Variants in DLG2 observed in about 807,000 individuals in gnomAD.
DLG2 encodes disks large homolog 2.
In DLG2, 45 loss-of-function variants were observed where a neutral mutation model predicts 132.5. That is an observed-to-expected ratio of 0.34 (90% CI 0.27 to 0.44). The LOEUF (loss-of-function observed/expected upper bound fraction) is 0.44. Ranked by LOEUF, DLG2 falls within the 20% of genes least tolerant of loss-of-function variation. The pLI is 1.00. For synonymous variants in DLG2, 424 were observed against 419.6 expected (o/e 1.01, Z -0.13); for missense variants, 1,045 against 1,196.9 (o/e 0.87, Z 1.87).
intron 19 of DLG2, 173 bp downstream of exon 19, chr11:83,633,038 T>G (rs760259120): frequency 4.4e-5 from 26 of 584,740 alleles, no homozygotes; most frequent in Non-Finnish European, 7.5e-5. Flanking sequence ...ACTAATTTAA[T>G]CTAATAACAT....
At chr11:84,025,124 G>C (rs927337700) in intron 11 of DLG2, among the ~76,000 whole-genome samples, 1 of 152,152 alleles carries the variant, frequency 6.6e-6, no homozygotes, top group African/African-American at 2.4e-5. Context: ...GGACCTTTTA[G>C]TTGTAGGTTG....
At chr11:84,791,819 A>C (rs2073889326) in intron 6 of DLG2, among the ~76,000 whole-genome samples, 1 of 152,122 alleles carries the variant, frequency 6.6e-6, no homozygotes, top group African/African-American at 2.4e-5. Flanking sequence ...ATCAGTTCCG[A>C]TAGCTCTTTC....
intron 7 of DLG2, among the ~76,000 whole-genome samples, chr11:84,359,512 C>A (rs754035924): frequency 2.6e-5 from 4 of 151,818 alleles, no homozygotes; most frequent in Non-Finnish European, 5.9e-5. Context: ...AAATTATTGT[C>A]TAGGGTGTCT....
chr11:83,865,241 C>G (rs1419483546), intron 16 of DLG2, among the ~76,000 whole-genome samples: 1 of 152,050 alleles, frequency 6.6e-6, no homozygotes, highest in Non-Finnish European at 1.5e-5. Context: ...CAGGAGACAG[C>G]CATCTAGGTT....
intron 16 of DLG2, among the ~76,000 whole-genome samples, chr11:83,872,381 C>A (rs2063640977): frequency 6.6e-6 from 1 of 152,160 alleles, no homozygotes; most frequent in African/African-American, 2.4e-5. Flanking sequence ...AAACCAAATT[C>A]TTTGACTCTA....
chr11:84,429,094 A>G (rs1027044829), intron 7 of DLG2, among the ~76,000 whole-genome samples: 1 of 152,224 alleles, frequency 6.6e-6, no homozygotes, highest in Non-Finnish European at 1.5e-5. Flanking sequence ...AGCATTTTTC[A>G]TCTTGCTCTC....
At chr11:83,998,942 T>C (rs1182966572) in intron 11 of DLG2, among the ~76,000 whole-genome samples, 5 of 152,152 alleles carry the variant, frequency 3.3e-5, no homozygotes, top group Admixed American at 6.5e-5. Context: ...ACTACAGCTA[T>C]TGGGGACTGA....
At chr11:83,912,849 G>A (rs921683454) in intron 15 of DLG2, among the ~76,000 whole-genome samples, 2 of 152,090 alleles carry the variant, frequency 1.3e-5, no homozygotes, top group African/African-American at 4.8e-5. Context: ...GAACATCCAT[G>A]AGTGCTGGAA....
chr11:84,192,238 T>C (rs2096424733), intron 8 of DLG2, among the ~76,000 whole-genome samples: 1 of 152,166 alleles, frequency 6.6e-6, no homozygotes, highest in African/African-American at 2.4e-5. Context: ...TATGACAGTT[T>C]CCTTCTAGAT....
intron 6 of DLG2, among the ~76,000 whole-genome samples, chr11:84,879,126 T>A (rs1229601724): frequency 6.6e-6 from 1 of 152,098 alleles, no homozygotes; most frequent in African/African-American, 2.4e-5. Context: ...TTTCTCTAGC[T>A]TCTTAGCAAC....
intron 3 of DLG2, among the ~76,000 whole-genome samples, chr11:85,348,368 C>A (rs1180580460): frequency 6.6e-6 from 1 of 151,206 alleles, no homozygotes; most frequent in Non-Finnish European, 1.5e-5. Flanking sequence ...GACTACAGGC[C>A]CGCACCACCA....
chr11:85,310,787 G>C (rs1209615471), intron 3 of DLG2, among the ~76,000 whole-genome samples: 1 of 152,074 alleles, frequency 6.6e-6, no homozygotes, highest in African/African-American at 2.4e-5. Flanking sequence ...TTTTGTGATC[G>C]TACTTTCTTC....
At chr11:84,659,448 A>G (rs930151088) in intron 6 of DLG2, among the ~76,000 whole-genome samples, 1 of 152,014 alleles carries the variant, frequency 6.6e-6, no homozygotes, top group African/African-American at 2.4e-5. Flanking sequence ...TGGATCCAAA[A>G]TCTCTTGATG....
At chr11:85,619,033 T>C (rs950542363) in intron 2 of DLG2, among the ~76,000 whole-genome samples, 1 of 152,236 alleles carries the variant, frequency 6.6e-6, no homozygotes, top group Non-Finnish European at 1.5e-5. Context: ...ACTAAGTTGC[T>C]TCATAGCAAA....
chr11:83,965,450 C>G lies in DLG2; in HGVS notation c.1075G>C (p.Glu359Gln), dbSNP rs758654718. 2.5e-6 allele frequency: 4 copies of G among 1,609,172 alleles called. No individual in the cohort carries two copies. In the African/African-American group the frequency reaches 5.4e-5, roughly 22 times the overall value. ...RLLMVNNYSL[E>Q]EVTHEEAVAI... ...ACTGCCTCTTCGTGTGTTACTTCTT[C>G]TAAACTGTAGTTGTTTACCTGAAAG... The change falls in exon 13 of 28, where the codon GAA becomes CAA. Residue 359 changes from glutamate (E) to glutamine (Q), a missense_variant. Physicochemically the swap from Glu to Gln is conservative, Grantham distance 29 (BLOSUM62 2). Coordinates refer to ENST00000376104, the MANE Select transcript of DLG2 (RefSeq NM_001142699.3).
chr11:84,110,755 G>A (rs900704819), intron 9 of DLG2, among the ~76,000 whole-genome samples: 3 of 152,178 alleles, frequency 2.0e-5, no homozygotes, highest in Admixed American at 2.0e-4. Flanking sequence ...AGATTTTAGA[G>A]CTTAGCAGCT....
intron 21 of DLG2, among the ~76,000 whole-genome samples, chr11:83,522,035 C>G (rs1414611275): frequency 6.6e-6 from 1 of 152,180 alleles, no homozygotes; most frequent in African/African-American, 2.4e-5. Flanking sequence ...GGGCCTCAAG[C>G]TATGTTTACA....
chr11:84,600,642 A>G (rs1319354183), intron 6 of DLG2, among the ~76,000 whole-genome samples: 1 of 152,212 alleles, frequency 6.6e-6, no homozygotes, highest in African/African-American at 2.4e-5. Context: ...AGGAATTTAA[A>G]AAGGGAATTT....
At chr11:84,906,163 C>T (rs1415468067) in intron 6 of DLG2, among the ~76,000 whole-genome samples, 1 of 150,754 alleles carries the variant, frequency 6.6e-6, no homozygotes, top group African/African-American at 2.4e-5. Flanking sequence ...TCTTGAACAA[C>T]AGAGTTAAGT....
Sources: gnomAD v4.1 joint callset for allele counts (sites outside exome capture counted in the v4.1 genomes callset) on GRCh38, gnomAD v4.1.1 for gene constraint, MANE v1.5 for transcripts, NCBI Gene and HGNC (gene_info 2026-07-23, HGNC 2026-07-21) for gene names.